Variants in CAMSAP1 observed in about 807,000 individuals in gnomAD.
CAMSAP1 encodes calmodulin regulated spectrin associated protein 1, also known as calmodulin-regulated spectrin-associated protein 1.
A neutral mutation model predicts 143.5 loss-of-function variants in CAMSAP1; 58 were observed. The observed-to-expected ratio is 0.40, with a 90% confidence interval of 0.33 to 0.50. The LOEUF is 0.50. Ranked by LOEUF, CAMSAP1 falls within the 20% of genes least tolerant of loss-of-function variation. The pLI is 0.45. For missense variants in CAMSAP1, 1,969 were observed against 2,115.7 expected (o/e 0.93, Z 1.36); for synonymous variants, 945 against 859.3 (o/e 1.10, Z -1.74).
At chr9:135,833,104 C>T (rs1343611518) in intron 7 of CAMSAP1, among the ~76,000 whole-genome samples, 2 of 128,804 alleles carry the variant, frequency 1.6e-5, no homozygotes, top group Non-Finnish European at 3.2e-5. Flanking sequence ...TTTTTTGAGA[C>T]GGAGTCTCGC....
chr9:135,880,745 G>GGGCC (rs1465468262), intron 3 of CAMSAP1, among the ~76,000 whole-genome samples: 3 of 152,104 alleles, frequency 2.0e-5, no homozygotes, highest in African/African-American at 7.2e-5. Context: ...GCCTCACATG[G>GGGCC]GGCCACACAA....
intron 1 of CAMSAP1, among the ~76,000 whole-genome samples, chr9:135,884,970 T>G (rs903057437): frequency 1.3e-5 from 2 of 152,128 alleles, no homozygotes; most frequent in Non-Finnish European, 1.5e-5. Flanking sequence ...CTGAAAACGT[T>G]TGCAGCAGTT....
Position 135,866,542 on chromosome 9 carries a change from G to A in CAMSAP1, c.586-6C>T. ...TCTCTCATTTTAAGATTTACCTAAAGTAGAAGAGAAATGCATTAAAGAGGT... is the reference window on the plus strand; with the variant it reads ...TCTCTCATTTTAAGATTTACCTAAAATAGAAGAGAAATGCATTAAAGAGGT... On this transcript the variant is annotated splice_polypyrimidine_tract_variant and splice_region_variant and intron_variant, in intron 3 of 16. Transcript: ENST00000389532. The A allele has an allele frequency of 7.6e-7, 1 of 1,315,600 alleles. No homozygotes were observed. The highest frequency in any genetic ancestry group is 1.1e-6 in the Non-Finnish European group (1 of 932,500). 81.5% of individuals were successfully genotyped at this position (1,315,600 alleles called of 1,614,324 possible).
chr9:135,894,120 C>T (rs910701813), intron 1 of CAMSAP1, among the ~76,000 whole-genome samples: 1 of 152,108 alleles, frequency 6.6e-6, no homozygotes, highest in African/African-American at 2.4e-5. Flanking sequence ...CCACACCAGG[C>T]GAGCCCAAGC....
chr9:135,901,404 G>GA (rs1489266025), intron 1 of CAMSAP1, among the ~76,000 whole-genome samples: 1 of 152,160 alleles, frequency 6.6e-6, no homozygotes, highest in Non-Finnish European at 1.5e-5. Context: ...CCAGGAGTTT[G>GA]AGAAGCCTGG....
chr9:135,875,367 G>T (rs370384134), intron 3 of CAMSAP1, among the ~76,000 whole-genome samples: 1 of 152,010 alleles, frequency 6.6e-6, no homozygotes, highest in East Asian at 1.9e-4. Context: ...GTGCCACCAT[G>T]CCTGGCTAGT....
Position 135,820,639 on chromosome 9 carries a change from C to T in CAMSAP1, c.3822+200G>A, listed in dbSNP as rs1019442791. On this transcript the variant is annotated intron_variant, in intron 11 of 16. Coordinates refer to ENST00000389532, the MANE Select transcript of CAMSAP1 (RefSeq NM_015447.4). The surrounding 1 kb of genome is among the most constrained non-coding windows in gnomAD (Gnocchi z 4.4). Reference sequence around the variant, plus strand: ...CAGCCACACCACGCTCACTTGCATGCGTATTGCCCGGGACTGCTTCTGGCC... The same window carrying T: ...CAGCCACACCACGCTCACTTGCATGTGTATTGCCCGGGACTGCTTCTGGCC... Among the ~76,000 whole-genome samples, 4 of 152,180 alleles carry T rather than the reference C, an allele frequency of 2.6e-5. No homozygotes were observed. The highest frequency in any genetic ancestry group is 1.3e-4 in the Admixed American group (2 of 15,288).
At chr9:135,878,449 A>G (rs1426865707) in intron 3 of CAMSAP1, among the ~76,000 whole-genome samples, 3 of 152,228 alleles carry the variant, frequency 2.0e-5, no homozygotes, top group African/African-American at 7.2e-5. Flanking sequence ...ACCTGCGCAC[A>G]GCAGGCATCT....
At position 135,823,119 on chromosome 9, in the gene CAMSAP1, C is replaced by G. The variant is rs377644706; in HGVS notation, c.1542G>C (p.Gln514His). The change falls in exon 11 of 17, where the codon CAG becomes CAC. Residue 514 changes from glutamine to histidine, a missense_variant. Physicochemically the swap from Gln to His is conservative, Grantham distance 24. Coordinates refer to ENST00000389532, the MANE Select transcript of CAMSAP1 (RefSeq NM_015447.4). ...LASNIVNLTP[Q>H]NQPHPTATKS... ...TCGTGGCCGTGGGGTGTGGCTGGTT[C>G]TGTGGGGTCAGATTAACAATGTTGG... 1 of 1,613,976 alleles carries G rather than the reference C, an allele frequency of 6.2e-7. No individual in the cohort carries two copies. Among genetic ancestry groups the G allele is most frequent in the Non-Finnish European group, 8.5e-7 (1 of 1,179,892 alleles).
At chr9:135,865,546 T>TG (rs1175544519) in intron 4 of CAMSAP1, among the ~76,000 whole-genome samples, 2 of 152,146 alleles carry the variant, frequency 1.3e-5, no homozygotes, top group African/African-American at 2.4e-5. Flanking sequence ...ATGATTAAAG[T>TG]GGAAGATCAC....
At chr9:135,842,970 G>C (rs940866653) in intron 7 of CAMSAP1, among the ~76,000 whole-genome samples, 4 of 152,172 alleles carry the variant, frequency 2.6e-5, no homozygotes, top group African/African-American at 9.7e-5. Context: ...CATAATGACA[G>C]GATCAAATTC....
chr9:135,816,472 T>C lies in CAMSAP1; in HGVS notation c.4272-467A>G, dbSNP rs191300582. ...CAGTGACGCTGATCCCTGGAAGGCC[T>C]GAGCTCCACCCTGCAGGGAAGTCTC... On this transcript the variant is annotated intron_variant, in intron 14 of 16. Transcript: ENST00000389532. Among the ~76,000 whole-genome samples the C allele has an allele frequency of 3.3e-5, 5 of 152,318 alleles. No individual in the cohort carries two copies. In the East Asian group the frequency reaches 9.7e-4, roughly 30 times the overall value.
intron 10 of CAMSAP1, 105 bp downstream of exon 10, chr9:135,823,845 T>G (rs1170114368): frequency 1.2e-6 from 1 of 842,940 alleles, no homozygotes; most frequent in Admixed American, 2.3e-5. Context: ...GCACTCCCTA[T>G]AAAAGGGTCT....
chr9:135,881,017 T>C (rs114072477), intron 3 of CAMSAP1, among the ~76,000 whole-genome samples: 7 of 152,170 alleles, frequency 4.6e-5, no homozygotes, highest in African/African-American at 1.7e-4. Flanking sequence ...ACTCCTTTAT[T>C]GCATATAGGT....
intron 1 of CAMSAP1, among the ~76,000 whole-genome samples, chr9:135,884,929 G>A (rs1381669688): frequency 6.6e-6 from 1 of 152,226 alleles, no homozygotes; most frequent in Non-Finnish European, 1.5e-5. Flanking sequence ...AGGGAAGTCA[G>A]GGGAGGGCAC....
chr9:135,832,622 C>G (rs189977299), intron 7 of CAMSAP1, among the ~76,000 whole-genome samples: 1 of 152,228 alleles, frequency 6.6e-6, no homozygotes, highest in East Asian at 1.9e-4. Context: ...GATCCAAGGT[C>G]CTACACATAG....
intron 1 of CAMSAP1, among the ~76,000 whole-genome samples, chr9:135,901,920 G>A (rs943392108): frequency 3.3e-5 from 5 of 152,102 alleles, no homozygotes; most frequent in South Asian, 2.1e-4. Context: ...CAGTACACCC[G>A]AAGACACCTC....
intron 3 of CAMSAP1, among the ~76,000 whole-genome samples, chr9:135,866,883 C>T (rs545924019): frequency 6.6e-6 from 1 of 152,304 alleles, no homozygotes; most frequent in African/African-American, 2.4e-5. Flanking sequence ...GCAAATGCCA[C>T]TTACAAAACA....
chr9:135,906,790 G>A (rs745328592), intron 1 of CAMSAP1, among the ~76,000 whole-genome samples: 8 of 152,000 alleles, frequency 5.3e-5, no homozygotes, highest in Non-Finnish European at 1.2e-4. Flanking sequence ...CTCCGCCGCA[G>A]GGACGCCCAC....
Sources: allele counts gnomAD v4.1 joint callset (sites outside exome capture counted in the v4.1 genomes callset), GRCh38; gene constraint gnomAD v4.1.1; non-coding constraint Gnocchi (gnomAD v3.1); transcripts MANE v1.5; gene names NCBI Gene and HGNC (gene_info 2026-07-23, HGNC 2026-07-21).